The following TTC29 variants were observed in gnomAD, a reference collection of about 807,000 sequenced individuals.
TTC29 encodes the protein tetratricopeptide repeat domain 29, also known as tetratricopeptide repeat protein 29.
A neutral mutation model predicts 58.1 loss-of-function variants in TTC29; 49 were observed. That is an observed-to-expected ratio of 0.84 (90% confidence interval 0.67 to 1.07). TTC29 has a LOEUF of 1.07. TTC29 is among the 50% of genes least tolerant of loss of function. The pLI is 0.00. For missense variants in TTC29, 582 were observed against 555.6 expected (o/e 1.05, Z -0.48); for synonymous variants, 209 against 196.8 (o/e 1.06, Z -0.52).
chr4:146,753,554 A>G, intron 11 of TTC29, among the ~76,000 whole-genome samples: 1 of 152,178 alleles, frequency 6.6e-6, no homozygotes, highest in African/African-American at 2.4e-5. Context: ...ATTGCTGGAT[A>G]TATATACCCA....
chr4:146,888,605 T>C (rs1368226265), intron 6 of TTC29, among the ~76,000 whole-genome samples: 1 of 152,182 alleles, frequency 6.6e-6, no homozygotes, highest in East Asian at 1.9e-4. Flanking sequence ...ACTTTACTTA[T>C]CACATTTAGT....
chr4:146,925,244 G>T (rs1260117187), intron 4 of TTC29, among the ~76,000 whole-genome samples: 1 of 151,992 alleles, frequency 6.6e-6, no homozygotes, highest in East Asian at 1.9e-4. Flanking sequence ...ATTGTCCAAG[G>T]CTTCTATATT....
intron 10 of TTC29, among the ~76,000 whole-genome samples, chr4:146,808,888 T>G (rs1750812669): frequency 6.6e-6 from 1 of 151,506 alleles, no homozygotes; most frequent in Admixed American, 6.7e-5. Context: ...AAAATTACTT[T>G]AAATTTCATA....
Position 146,856,469 on chromosome 4 carries a change from T to A in TTC29, c.885+11029A>T, listed in dbSNP as rs1461118494. Among the ~76,000 whole-genome samples the A allele has an allele frequency of 1.5e-4, 23 of 152,114 alleles. 1 individual carries two copies. The East Asian group carries it at 3.7e-3, about 24-fold the overall frequency. The stretch of plus-strand genomic sequence containing the variant: ...AGGCCACAAACTTTCTTTCCTGACA[T>A]AAAACATTTCTTTATTTGTAGGAAA... On this transcript the variant is annotated intron_variant, in intron 8 of 12. Coordinates refer to ENST00000325106, the MANE Select transcript of TTC29 (RefSeq NM_031956.4).
At chr4:146,923,588 G>A (rs1052143383) in intron 4 of TTC29, among the ~76,000 whole-genome samples, 3 of 151,812 alleles carry the variant, frequency 2.0e-5, no homozygotes, top group Admixed American at 2.0e-4. Context: ...GGATACATTA[G>A]AATAGTCTTC....
intron 6 of TTC29, among the ~76,000 whole-genome samples, chr4:146,901,776 C>G (rs1399834993): frequency 6.6e-6 from 1 of 152,186 alleles, no homozygotes; most frequent in African/African-American, 2.4e-5. Context: ...TATCCCCTTG[C>G]TCTACTTTAT....
chr4:146,943,197 T>C (rs939397988), intron 2 of TTC29, among the ~76,000 whole-genome samples: 6 of 105,090 alleles, frequency 5.7e-5, no homozygotes, highest in Admixed American at 2.2e-4. Flanking sequence ...TTTTTTTTTT[T>C]CAAAATTCTG....
intron 11 of TTC29, among the ~76,000 whole-genome samples, chr4:146,730,641 T>C (rs1368636130): frequency 6.6e-6 from 1 of 152,206 alleles, no homozygotes; most frequent in African/African-American, 2.4e-5. Context: ...TATGGTATCC[T>C]GTAAGCCATG....
intron 8 of TTC29, among the ~76,000 whole-genome samples, chr4:146,864,678 T>C (rs565128338): frequency 6.6e-6 from 1 of 152,316 alleles, no homozygotes; most frequent in East Asian, 1.9e-4. Context: ...TCCTGGCGGT[T>C]CCAGGGATTC....
intron 10 of TTC29, among the ~76,000 whole-genome samples, chr4:146,819,432 T>C (rs1001471281): frequency 1.3e-5 from 2 of 152,204 alleles, no homozygotes; most frequent in Non-Finnish European, 2.9e-5. Context: ...ATCTTATTCA[T>C]GATCAAAACA....
Position 146,867,598 on chromosome 4 carries a change from T to A in TTC29, c.800-15A>T, listed in dbSNP as rs765469016. ...TTTGTCACTTCCTGAAGTGAAGATG[T>A]AAAAAAATTACCAAGTATTCAATAA... On this transcript the variant is annotated splice_polypyrimidine_tract_variant and intron_variant, in intron 7 of 12. Transcript: ENST00000325106. 4 of 1,310,538 alleles carry A rather than the reference T, an allele frequency of 3.1e-6. No individual in the cohort carries two copies. The South Asian group carries it at 4.5e-5, about 15-fold the overall frequency. 81.2% of individuals were successfully genotyped at this position (1,310,538 alleles called of 1,614,324 possible).
At chr4:146,836,488 A>G (rs1728518083) in intron 8 of TTC29, among the ~76,000 whole-genome samples, 1 of 152,128 alleles carries the variant, frequency 6.6e-6, no homozygotes, top group Non-Finnish European at 1.5e-5. Flanking sequence ...CATATAGGTG[A>G]AATCATGAAG....
chr4:146,910,905 A>G (rs1733853717), intron 4 of TTC29, among the ~76,000 whole-genome samples: 1 of 152,168 alleles, frequency 6.6e-6, no homozygotes, highest in Non-Finnish European at 1.5e-5. Context: ...TAGAGGAGAA[A>G]AGTATGGAGA....
chr4:146,817,374 A>G (rs1194517452), intron 10 of TTC29, among the ~76,000 whole-genome samples: 1 of 152,234 alleles, frequency 6.6e-6, no homozygotes, highest in Non-Finnish European at 1.5e-5. Flanking sequence ...CCAACTTACA[A>G]GGGATGTGAA....
chr4:146,940,355 G>A (rs932265310), intron 2 of TTC29, among the ~76,000 whole-genome samples: 2 of 152,156 alleles, frequency 1.3e-5, no homozygotes, highest in Non-Finnish European at 2.9e-5. Flanking sequence ...ACAAATAAAG[G>A]CTTTCCCTTA....
At chr4:146,722,081 A>G (rs1295483064) in intron 11 of TTC29, among the ~76,000 whole-genome samples, 1 of 117,192 alleles carries the variant, frequency 8.5e-6, no homozygotes. Flanking sequence ...ACACACACAC[A>G]CACAATTACC....
At chr4:146,779,560 T>C (rs542832714) in intron 11 of TTC29, among the ~76,000 whole-genome samples, 58 of 152,282 alleles carry the variant, frequency 3.8e-4, no homozygotes, top group Middle Eastern at 3.4e-3. Flanking sequence ...ATTAAGTAAA[T>C]AAATATTTTG....
At chr4:146,788,062 G>A (rs546434484) in intron 11 of TTC29, among the ~76,000 whole-genome samples, 4 of 152,164 alleles carry the variant, frequency 2.6e-5, no homozygotes, top group South Asian at 2.1e-4. Flanking sequence ...GAAACTGATC[G>A]ACTGAAACCA....
intron 11 of TTC29, among the ~76,000 whole-genome samples, chr4:146,734,781 C>A (rs1215447350): frequency 1.3e-5 from 2 of 151,962 alleles, no homozygotes; most frequent in African/African-American, 4.8e-5. Context: ...TTTCCTGAAA[C>A]AATTGGTGGC....
Sources: gnomAD v4.1 joint callset for allele counts (sites outside exome capture counted in the v4.1 genomes callset) on GRCh38, gnomAD v4.1.1 for gene constraint, MANE v1.5 for transcripts, NCBI Gene and HGNC (gene_info 2026-07-23, HGNC 2026-07-21) for gene names.